The following TMPRSS9 variants were observed in gnomAD, a reference collection of about 807,000 sequenced individuals.
TMPRSS9 encodes transmembrane serine protease 9.
Under a neutral mutation model 111.4 loss-of-function variants are expected in TMPRSS9, and 113 were observed. That is an observed-to-expected ratio of 1.01 (90% CI 0.87 to 1.19). The LOEUF (loss-of-function observed/expected upper bound fraction) is 1.19. TMPRSS9 is among the 50% of genes most tolerant of loss of function. The pLI is 0.00. For missense variants in TMPRSS9, 1,803 were observed against 1,513.1 expected (o/e 1.19, Z -3.18); for synonymous variants, 805 against 659.1 (o/e 1.22, Z -3.39).
At chr19:2,418,191 C>A (rs111447322) in intron 13 of TMPRSS9, 53 bp downstream of exon 14, 1 of 1,541,102 alleles carries the variant, frequency 6.5e-7, no homozygotes. Context: ...TGCCCACAGC[C>A]GTTCACCCAG....
chr19:2,425,797 C>G (rs553120478), intron 17 of TMPRSS9, 130 bp from the exon 19 acceptor site: 484 of 1,347,994 alleles, frequency 3.6e-4, no homozygotes, highest in Non-Finnish European at 4.6e-4. Context: ...GCATTGAGCC[C>G]ATTTTCCAGA....
At chr19:2,409,247 C>T (rs1971046655) in intron 8 of TMPRSS9, among the ~76,000 whole-genome samples, 1 of 149,198 alleles carries the variant, frequency 6.7e-6, no homozygotes, top group South Asian at 2.1e-4. Flanking sequence ...TCAAGCGATT[C>T]TCTTGCCTCA....
chr19:2,397,266 C>A (rs2145307601), intron 2 of TMPRSS9, among the ~76,000 whole-genome samples: 1 of 152,000 alleles, frequency 6.6e-6, no homozygotes, highest in South Asian at 2.1e-4. Context: ...GGAATCAGAG[C>A]CCTCATGCAC....
chr19:2,391,362 G>GTTTTTTTTTTTTTTT (rs372470176), intron 1 of TMPRSS9, among the ~76,000 whole-genome samples: 2 of 142,742 alleles, frequency 1.4e-5, no homozygotes, highest in Non-Finnish European at 1.5e-5. Context: ...ATCCTCCTAG[G>GTTTTTTTTTTTTTTT]TTTTTTTTTT....
intron 6 of TMPRSS9, among the ~76,000 whole-genome samples, chr19:2,404,169 CAAAAAT>C (rs1970918634): frequency 6.6e-6 from 1 of 151,618 alleles, no homozygotes; most frequent in Non-Finnish European, 1.5e-5. Context: ...GACCTTGTCT[CAAAAAT>C]AAATAAAATG....
At chr19:2,366,289 G>T (rs1337669735) in intron 1 of TMPRSS9, among the ~76,000 whole-genome samples, 1 of 152,048 alleles carries the variant, frequency 6.6e-6, no homozygotes, top group Non-Finnish European at 1.5e-5. Flanking sequence ...TGAGGCTTCA[G>T]TGAGCTGTGA....
Position 2,425,668 on chromosome 19 carries a change from G to A in TMPRSS9, c.3120+175G>A, listed in dbSNP as rs191635272. The A allele has an allele frequency of 2.8e-5, 37 of 1,302,366 alleles. No individual in the cohort carries two copies. In the East Asian group the frequency reaches 1.0e-3, roughly 36 times the overall value. The allele number at this position is 1,302,366 out of a possible 1,614,324, so 80.7% of individuals were successfully genotyped here. A position where few individuals can be genotyped will look rare whatever the true frequency, so the allele number is the denominator to read the frequency against. ...AATTTCCACTCCACAGCCGTTTATTGGGCAACCCACCGCATCCCATCCCCG... is the reference window on the plus strand; with the variant it reads ...AATTTCCACTCCACAGCCGTTTATTAGGCAACCCACCGCATCCCATCCCCG... On this transcript the variant is annotated intron_variant, in intron 17 of 17. Transcript: ENST00000648592.
intron 1 of TMPRSS9, among the ~76,000 whole-genome samples, chr19:2,373,135 A>C (rs1420326428): frequency 6.6e-6 from 1 of 151,396 alleles, no homozygotes; most frequent in East Asian, 2.0e-4. Context: ...GCCCAGCCAG[A>C]AACTTGGGTT....
chr19:2,426,188 T>TC, exon 18 of TMPRSS9: 1 of 945,504 alleles, frequency 1.1e-6, no homozygotes, highest in Non-Finnish European at 1.4e-6. Context: ...AGGACGGGTG[T>TC]GGGGGGGCTG....
At chr19:2,416,463 C>T (rs919075365) in intron 11 of TMPRSS9, 75 bp from the exon 13 acceptor site, 11 of 1,532,160 alleles carry the variant, frequency 7.2e-6, no homozygotes, top group Admixed American at 1.8e-5. Flanking sequence ...TGGGGGTGTG[C>T]ATCAGCCCTG....
chr19:2,393,047 T>G (rs930972749), intron 1 of TMPRSS9, among the ~76,000 whole-genome samples: 2 of 152,068 alleles, frequency 1.3e-5, no homozygotes, highest in East Asian at 1.9e-4. Context: ...ACCAGTCAGC[T>G]CTCTGTAAAA....
chr19:2,401,946 G>T lies in TMPRSS9; in HGVS notation c.515-29G>T, dbSNP rs778132933. Reference sequence around the variant, plus strand: ...CAAAGGGTTTTACCGCTTATTCAGTGAGCTTCTATCTTCTCTGTTTTGTTG... The same window carrying T: ...CAAAGGGTTTTACCGCTTATTCAGTTAGCTTCTATCTTCTCTGTTTTGTTG... On this transcript the variant is annotated intron_variant, in intron 4 of 17. Coordinates refer to ENST00000648592, the Ensembl canonical transcript of TMPRSS9. 1.1e-5 allele frequency: 18 copies of T among 1,601,682 alleles called. No homozygotes were observed. In the East Asian group the frequency reaches 4.1e-4, roughly 36 times the overall value.
chr19:2,392,444 C>T (rs769877724), intron 1 of TMPRSS9, among the ~76,000 whole-genome samples: 11 of 151,362 alleles, frequency 7.3e-5, no homozygotes, highest in Middle Eastern at 3.4e-3. Flanking sequence ...TAGTGGCTCA[C>T]GCCAGTAATC....
intron 7 of TMPRSS9, among the ~76,000 whole-genome samples, chr19:2,407,684 T>C (rs1971000424): frequency 6.9e-6 from 1 of 144,046 alleles, no homozygotes; most frequent in Middle Eastern, 3.2e-3. Flanking sequence ...GATAGCTCAC[T>C]ATAGCTCATG....
At chr19:2,404,472 G>T (rs1375023457) in intron 6 of TMPRSS9, among the ~76,000 whole-genome samples, 2 of 151,876 alleles carry the variant, frequency 1.3e-5, no homozygotes, top group African/African-American at 4.8e-5. Context: ...GAACCTGGGA[G>T]GTGGAGGTTA....
chr19:2,388,389 A>C (rs1970517484), upstream of TMPRSS9, among the ~76,000 whole-genome samples: 1 of 151,982 alleles, frequency 6.6e-6, no homozygotes, highest in Non-Finnish European at 1.5e-5. Flanking sequence ...CTGTCTCAAA[A>C]ACAAACAAAA....
intron 4 of TMPRSS9, among the ~76,000 whole-genome samples, chr19:2,401,358 A>G (rs1289405725): frequency 6.6e-6 from 1 of 152,072 alleles, no homozygotes; most frequent in Non-Finnish European, 1.5e-5. Context: ...TCGAGGTCTT[A>G]ATAACCTCTG....
At chr19:2,417,821 C>T (rs76024910) in intron 12 of TMPRSS9, among the ~76,000 whole-genome samples, 181 bp from the exon 14 acceptor site, 2,696 of 152,222 alleles carry the variant, frequency 0.018, 82 homozygotes, top group African/African-American at 0.062. Flanking sequence ...GCGCTCTGAG[C>T]GGGCCATCAG....
intron 15 of TMPRSS9, 114 bp from the exon 17 acceptor site, chr19:2,424,888 C>T: frequency 7.8e-7 from 1 of 1,284,140 alleles, no homozygotes. Flanking sequence ...CAGCCAGAGA[C>T]CAAGAGGCCA....
Sources: gnomAD v4.1 joint callset for allele counts (sites outside exome capture counted in the v4.1 genomes callset) on GRCh38, gnomAD v4.1.1 for gene constraint, MANE v1.5 for transcripts, NCBI Gene and HGNC (gene_info 2026-07-23, HGNC 2026-07-21) for gene names.